Variants in TENM2 observed in about 807,000 individuals in gnomAD.
TENM2 encodes the protein teneurin-2.
TENM2 carries 52 observed loss-of-function variants against 245.2 expected under a neutral mutation model. The observed-to-expected ratio is 0.21, with a 90% CI of 0.17 to 0.27. TENM2 has a LOEUF of 0.27. Ranked by LOEUF, TENM2 falls within the 10% of genes least tolerant of loss-of-function variation. The pLI is 1.00. For synonymous variants in TENM2, 1,363 were observed against 1,438.9 expected, an observed-to-expected ratio of 0.95 and a Z score of 1.19; for missense variants, 3,046 against 3,666.8, an observed-to-expected ratio of 0.83 and a Z score of 4.37.
At chr5:167,294,956 A>C (rs148144123) in intron 1 of TENM2, among the ~76,000 whole-genome samples, 146 of 152,264 alleles carry the variant, frequency 9.6e-4, no homozygotes, top group Middle Eastern at 3.4e-3. Flanking sequence ...TCTTTGGTGA[A>C]GCTTCCTGCC....
At chr5:167,872,825 G>A (rs1400623126) in intron 2 of TENM2, among the ~76,000 whole-genome samples, 2 of 152,222 alleles carry the variant, frequency 1.3e-5, no homozygotes, top group Non-Finnish European at 2.9e-5. Flanking sequence ...AGCTCTCTCT[G>A]TACTATATGA....
At chr5:168,222,263 G>A (rs1763735500) in intron 23 of TENM2, among the ~76,000 whole-genome samples, 1 of 152,176 alleles carries the variant, frequency 6.6e-6, no homozygotes, top group African/African-American at 2.4e-5. Flanking sequence ...CTGCCTGCTG[G>A]TCTCTCATCC....
At chr5:167,079,303 T>TAA in the TENM2 span, among the ~76,000 whole-genome samples, 1 of 148,332 alleles carries the variant, frequency 6.7e-6, no homozygotes, top group Admixed American at 6.8e-5. Flanking sequence ...TATATATATA[T>TAA]AATATAATAT....
At chr5:167,510,470 C>T (rs1025849182) in intron 2 of TENM2, among the ~76,000 whole-genome samples, 2 of 152,044 alleles carry the variant, frequency 1.3e-5, no homozygotes, top group Non-Finnish European at 2.9e-5. Flanking sequence ...AAGAACACTT[C>T]GAGTGAAAAG....
intron 2 of TENM2, among the ~76,000 whole-genome samples, chr5:167,662,046 G>A (rs1020033303): frequency 6.6e-6 from 1 of 152,200 alleles, no homozygotes; most frequent in Non-Finnish European, 1.5e-5. Context: ...TATGGAGTAG[G>A]CAGAGACTGA....
At chr5:168,013,543 G>A (rs1400963249) in intron 5 of TENM2, among the ~76,000 whole-genome samples, 1 of 152,180 alleles carries the variant, frequency 6.6e-6, no homozygotes. Context: ...AGCAGAGACT[G>A]CAGTGAGCCG....
At chr5:167,208,133 A>C in the TENM2 span, among the ~76,000 whole-genome samples, 4 of 152,206 alleles carry the variant, frequency 2.6e-5, no homozygotes, top group African/African-American at 9.7e-5. Context: ...TAATCAACTT[A>C]CGTGAGAGAT....
chr5:167,721,669 CA>C lies in TENM2; in HGVS notation c.503-154314del, dbSNP rs1249394929. On this transcript the variant is annotated intron_variant, in intron 2 of 28. Coordinates refer to ENST00000518659, the Ensembl canonical transcript of TENM2. ...ACTTAGAAGGACATGTGGATGAGTT[CA>C]AACTCACTTGGATAATCCAAAATAT... is the stretch of plus-strand genomic sequence containing the variant. Among the ~76,000 whole-genome samples the C allele has an allele frequency of 2.0e-5, 3 of 152,258 alleles. No individual in the cohort carries two copies. The South Asian group carries it at 6.2e-4, about 32-fold the overall frequency.
At chr5:167,809,088 C>T (rs1034599696) in intron 2 of TENM2, among the ~76,000 whole-genome samples, 13 of 152,096 alleles carry the variant, frequency 8.5e-5, no homozygotes, top group African/African-American at 2.7e-4. Flanking sequence ...AATTAATCCT[C>T]CAGGATGCTA....
chr5:168,098,321 A>G (rs530420866), intron 9 of TENM2, among the ~76,000 whole-genome samples, 194 bp downstream of exon 11: 11 of 152,276 alleles, frequency 7.2e-5, no homozygotes, highest in Admixed American at 5.9e-4. Flanking sequence ...CAACGTACCT[A>G]TAGGAGCAGG....
At chr5:166,982,463 A>G in the TENM2 span, among the ~76,000 whole-genome samples, 2 of 151,968 alleles carry the variant, frequency 1.3e-5, no homozygotes, top group African/African-American at 4.8e-5. Flanking sequence ...ATTAATTTTG[A>G]GAAGTGATTT....
chr5:167,361,920 C>T (rs1334566831), intron 1 of TENM2, among the ~76,000 whole-genome samples: 1 of 152,184 alleles, frequency 6.6e-6, no homozygotes, highest in Non-Finnish European at 1.5e-5. Flanking sequence ...TAGCACCACT[C>T]ACCCCATGTA....
chr5:167,815,856 A>G lies in TENM2; in HGVS notation c.503-60130A>G, dbSNP rs567742509. 2.6e-5 allele frequency among the ~76,000 whole-genome samples: 4 copies of G among 152,252 alleles called. No individual in the cohort carries two copies. In the East Asian group the frequency reaches 5.8e-4, roughly 22 times the overall value. On this transcript the variant is annotated intron_variant, in intron 2 of 28. Coordinates refer to ENST00000518659, the Ensembl canonical transcript of TENM2. ...ACACTGGGATTCTCTTCCCAGGTCCATAGTGAGCCCCTACATGACACTGAG... is the reference window on the plus strand; with the variant it reads ...ACACTGGGATTCTCTTCCCAGGTCCGTAGTGAGCCCCTACATGACACTGAG...
chr5:167,041,806 C>G, the TENM2 span, among the ~76,000 whole-genome samples: 3 of 152,148 alleles, frequency 2.0e-5, no homozygotes, highest in Non-Finnish European at 2.9e-5. Context: ...CTCCCCCCTC[C>G]AAAAGGGCAC....
intron 2 of TENM2, among the ~76,000 whole-genome samples, chr5:167,691,784 T>G (rs1304174517): frequency 6.6e-6 from 1 of 152,012 alleles, no homozygotes; most frequent in African/African-American, 2.4e-5. Flanking sequence ...TTCAGGAAAT[T>G]GATGGACAAG....
At chr5:167,554,792 C>T (rs1176027117) in intron 2 of TENM2, among the ~76,000 whole-genome samples, 2 of 151,972 alleles carry the variant, frequency 1.3e-5, no homozygotes, top group Non-Finnish European at 2.9e-5. Flanking sequence ...GTGGATTGGG[C>T]CAAGAGGGTG....
At chr5:167,680,468 G>A (rs1245878281) in intron 2 of TENM2, among the ~76,000 whole-genome samples, 3 of 152,102 alleles carry the variant, frequency 2.0e-5, no homozygotes, top group African/African-American at 7.2e-5. Context: ...ATTGAAAAGG[G>A]TGAGATATTG....
chr5:168,113,321 AAATAATAAT>A (rs760696651), intron 9 of TENM2, among the ~76,000 whole-genome samples: 6 of 151,870 alleles, frequency 4.0e-5, no homozygotes, highest in South Asian at 2.1e-4. Context: ...CCATGTCTCC[AAATAATAAT>A]AATAATAATA....
chr5:167,216,756 G>C, the TENM2 span, among the ~76,000 whole-genome samples: 1 of 151,598 alleles, frequency 6.6e-6, no homozygotes, highest in African/African-American at 2.4e-5. Flanking sequence ...TGAAACCCCT[G>C]TCCCTACTAA....
Sources: allele counts gnomAD v4.1 joint callset (sites outside exome capture counted in the v4.1 genomes callset), GRCh38; gene constraint gnomAD v4.1.1; transcripts MANE v1.5; gene names NCBI Gene and HGNC (gene_info 2026-07-23, HGNC 2026-07-21).